ZSWIM6: variants seen among roughly 807,000 people sequenced by gnomAD.
The protein encoded by ZSWIM6 is zinc finger SWIM domain-containing protein 6.
Under a neutral mutation model 113.2 loss-of-function variants are expected in ZSWIM6, and 9 were observed. The ratio of observed to expected loss-of-function variants is 0.08; its 90% CI spans 0.05 to 0.14. The LOEUF (loss-of-function observed/expected upper bound fraction) is 0.14. Among genes scored for constraint, ZSWIM6 ranks in the 10% least tolerant of loss-of-function variants. The pLI is 1.00. For missense variants in ZSWIM6, 1,162 were observed against 1,552.2 expected, an observed-to-expected ratio of 0.75 and a Z score of 4.22; for synonymous variants, 611 against 606.5, an observed-to-expected ratio of 1.01 and a Z score of -0.11.
At chr5:61,418,074 A>C (rs938163411) in intron 1 of ZSWIM6, among the ~76,000 whole-genome samples, 5 of 152,202 alleles carry the variant, frequency 3.3e-5, no homozygotes, top group African/African-American at 1.2e-4. Context: ...CCAGGACTAC[A>C]GGCTTTTAAC....
At chr5:61,540,448 G>A (rs1207335087) in intron 12 of ZSWIM6, among the ~76,000 whole-genome samples, 1 of 152,104 alleles carries the variant, frequency 6.6e-6, no homozygotes, top group Non-Finnish European at 1.5e-5. Context: ...TTATACCCCA[G>A]TTACCTAAAG....
chr5:61,404,027 AG>A (rs1745994635), intron 1 of ZSWIM6, among the ~76,000 whole-genome samples: 1 of 141,956 alleles, frequency 7.0e-6, no homozygotes, highest in Non-Finnish European at 1.5e-5. Context: ...TTTTTTTTTG[AG>A]ACGGAGTCTC....
intron 1 of ZSWIM6, among the ~76,000 whole-genome samples, chr5:61,352,719 A>G (rs1490322539): frequency 6.6e-6 from 1 of 152,226 alleles, no homozygotes; most frequent in Non-Finnish European, 1.5e-5. Context: ...GTACTTTATC[A>G]AGGTCAGTTG....
intron 1 of ZSWIM6, among the ~76,000 whole-genome samples, chr5:61,429,931 A>G (rs1746544846): frequency 6.6e-6 from 1 of 152,250 alleles, no homozygotes; most frequent in African/African-American, 2.4e-5. Flanking sequence ...ATTTAGATAC[A>G]TGAATGGTAA....
intron 1 of ZSWIM6, among the ~76,000 whole-genome samples, chr5:61,441,516 A>G (rs778706665): frequency 3.3e-5 from 5 of 152,188 alleles, no homozygotes; most frequent in Non-Finnish European, 5.9e-5. Flanking sequence ...TTTGAATATT[A>G]CTATCAGAAA....
At chr5:61,540,180 G>A (rs2112290851) in intron 12 of ZSWIM6, among the ~76,000 whole-genome samples, 1 of 152,252 alleles carries the variant, frequency 6.6e-6, no homozygotes, top group South Asian at 2.1e-4. Context: ...CATAATAGAT[G>A]GGCAGTTCTA....
In ZSWIM6 at chr5:61,544,340, G is replaced by T. The variant is rs1194300554; in HGVS notation, c.*23G>T. ...TGATAGATCTTGTATGAATGGGGTG[G>T]GGGGTGGGGATGGGAGGGATGGTTT... On this transcript the variant is annotated 3_prime_UTR_variant, in exon 14 of 14. Transcript: ENST00000252744. The T allele has an allele frequency of 7.1e-6, 1 of 140,018 alleles. No individual in the cohort carries two copies. The allele number at this position is 140,018 out of a possible 1,614,324, so 8.7% of individuals were successfully genotyped here.
chr5:61,386,774 G>A (rs1178250934), intron 1 of ZSWIM6, among the ~76,000 whole-genome samples: 1 of 152,140 alleles, frequency 6.6e-6, no homozygotes, highest in African/African-American at 2.4e-5. Flanking sequence ...ACCCAACAAC[G>A]TGTGGGTTAA....
At position 61,539,764 on chromosome 5, in the gene ZSWIM6, A is replaced by C; in HGVS notation, c.2703+5A>C. 3 of 1,549,510 alleles carry C rather than the reference A, an allele frequency of 1.9e-6. No homozygotes were observed. The highest frequency in any genetic ancestry group is 1.2e-5 in the South Asian group (1 of 83,704). ...TCTCTGGAGCTGGGCCTGCAGGTAC[A>C]TGACTGGTAGTCTTTCCTGGGACAT... On this transcript the variant is annotated splice_donor_5th_base_variant and intron_variant, in intron 12 of 13. Coordinates refer to ENST00000252744, the MANE Select transcript of ZSWIM6 (RefSeq NM_020928.2).
At chr5:61,401,811 G>A (rs374671692) in intron 1 of ZSWIM6, among the ~76,000 whole-genome samples, 9 of 152,134 alleles carry the variant, frequency 5.9e-5, no homozygotes, top group African/African-American at 1.4e-4. Flanking sequence ...TACAAAAGAA[G>A]CTTTAGCATA....
intron 10 of ZSWIM6, 142 bp from the exon 11 acceptor site, chr5:61,538,672 G>GT: frequency 1.1e-6 from 1 of 878,828 alleles, no homozygotes; most frequent in South Asian, 1.9e-5. Context: ...ACACAGCAGA[G>GT]TATAGCTGTA....
At chr5:61,433,375 G>A (rs1296707948) in intron 1 of ZSWIM6, among the ~76,000 whole-genome samples, 1 of 152,056 alleles carries the variant, frequency 6.6e-6, no homozygotes, top group African/African-American at 2.4e-5. Flanking sequence ...GTGTGTGTGT[G>A]TGAGATGTGT....
chr5:61,457,126 T>G (rs6881799), intron 1 of ZSWIM6, among the ~76,000 whole-genome samples: 3 of 150,880 alleles, frequency 2.0e-5, no homozygotes, highest in African/African-American at 4.9e-5. Flanking sequence ...TCATTGTTCA[T>G]TTCCCACCTA....
intron 1 of ZSWIM6, among the ~76,000 whole-genome samples, chr5:61,454,578 T>C (rs997248697): frequency 6.6e-6 from 1 of 150,408 alleles, no homozygotes; most frequent in African/African-American, 2.5e-5. Flanking sequence ...TTTTTTTTTT[T>C]TTTTTTTTCT....
At chr5:61,408,737 G>C (rs1746090916) in intron 1 of ZSWIM6, among the ~76,000 whole-genome samples, 1 of 152,272 alleles carries the variant, frequency 6.6e-6, no homozygotes, top group African/African-American at 2.4e-5. Context: ...CAGGAGTCTG[G>C]CTGCCAGCCA....
At position 61,439,098 on chromosome 5, in the gene ZSWIM6, A is replaced by T. The variant is rs1746772266; in HGVS notation, c.677-33583A>T. On this transcript the variant is annotated intron_variant, in intron 1 of 13. Transcript: ENST00000252744. ...ATCCTTTGTCCAAATGGAGCAATTCATCAGAAACAGACATTTGAGAATGTG... is the reference window on the plus strand; with the variant it reads ...ATCCTTTGTCCAAATGGAGCAATTCTTCAGAAACAGACATTTGAGAATGTG... 5.3e-5 allele frequency among the ~76,000 whole-genome samples: 8 copies of T among 152,214 alleles called. No individual in the cohort carries two copies. In the South Asian group the frequency reaches 1.7e-3, roughly 31 times the overall value.
intron 7 of ZSWIM6, 51 bp downstream of exon 7, chr5:61,526,447 A>G (rs1031202379): frequency 6.5e-6 from 10 of 1,545,208 alleles, no homozygotes; most frequent in African/African-American, 4.1e-5. Flanking sequence ...TAGTGATGAC[A>G]TTACTAGGTT....
intron 1 of ZSWIM6, among the ~76,000 whole-genome samples, chr5:61,338,024 A>G (rs1023559054): frequency 1.7e-4 from 26 of 152,104 alleles, no homozygotes; most frequent in Admixed American, 3.9e-4. Flanking sequence ...AAGGAGATAC[A>G]TTTTAAAAGG....
intron 4 of ZSWIM6, among the ~76,000 whole-genome samples, chr5:61,500,950 C>G (rs1171258262): frequency 6.6e-6 from 1 of 152,080 alleles, no homozygotes; most frequent in Admixed American, 6.6e-5. Flanking sequence ...CTCTGCAGAC[C>G]CCTTCCTGAC....
Sources: gnomAD v4.1 joint callset for allele counts (sites outside exome capture counted in the v4.1 genomes callset) on GRCh38, gnomAD v4.1.1 for gene constraint, MANE v1.5 for transcripts, NCBI Gene and HGNC (gene_info 2026-07-23, HGNC 2026-07-21) for gene names.